The following TMEM132D variants were observed in gnomAD, a reference collection of about 807,000 sequenced individuals.
TMEM132D encodes transmembrane protein 132D, also known as mature OL transmembrane protein.
TMEM132D carries 21 observed loss-of-function variants against 62.3 expected under a neutral mutation model. That is an observed-to-expected ratio of 0.34 (90% CI 0.24 to 0.49). TMEM132D has a LOEUF of 0.49. TMEM132D is among the 20% of genes least tolerant of loss of function. The pLI, the probability that TMEM132D is intolerant of heterozygous loss-of-function variation, is 0.99. For synonymous variants in TMEM132D, 621 were observed against 575.6 expected, an observed-to-expected ratio of 1.08 and a Z score of -1.13; for missense variants, 1,346 against 1,402.8, an observed-to-expected ratio of 0.96 and a Z score of 0.65.
chr12:129,440,022 A>C (rs549539031), intron 3 of TMEM132D, among the ~76,000 whole-genome samples: 15 of 152,302 alleles, frequency 9.8e-5, no homozygotes, highest in African/African-American at 3.6e-4. Context: ...CTCATCCCAG[A>C]ATGAAAAAGA....
chr12:129,889,779 G>C (rs1361797282), intron 1 of TMEM132D, among the ~76,000 whole-genome samples: 2 of 152,156 alleles, frequency 1.3e-5, no homozygotes, highest in East Asian at 3.9e-4. Flanking sequence ...ACAAAAAAAG[G>C]AACAGTTCTT....
At chr12:129,146,598 C>T (rs1288444185) in intron 5 of TMEM132D, among the ~76,000 whole-genome samples, 1 of 152,132 alleles carries the variant, frequency 6.6e-6, no homozygotes, top group African/African-American at 2.4e-5. Flanking sequence ...TCACACATTA[C>T]CTGTCCAGAC....
intron 1 of TMEM132D, among the ~76,000 whole-genome samples, chr12:129,727,835 A>G (rs1363375041): frequency 6.7e-6 from 1 of 149,840 alleles, no homozygotes; most frequent in Non-Finnish European, 1.5e-5. Context: ...TGAATGATGA[A>G]AAAAAAATGC....
chr12:129,355,426 G>A (rs1870010740), intron 3 of TMEM132D, among the ~76,000 whole-genome samples: 1 of 150,544 alleles, frequency 6.6e-6, no homozygotes, highest in Admixed American at 6.6e-5. Flanking sequence ...GGGTAAGGTG[G>A]AGGGGTGGGT....
At chr12:129,380,086 T>C (rs1257042426) in intron 3 of TMEM132D, among the ~76,000 whole-genome samples, 3 of 152,220 alleles carry the variant, frequency 2.0e-5, no homozygotes, top group Admixed American at 1.3e-4. Flanking sequence ...ATGACATAAC[T>C]TTTGTCTTAT....
At chr12:129,137,260 CAA>C (rs1223343878) in intron 5 of TMEM132D, among the ~76,000 whole-genome samples, 13 of 152,226 alleles carry the variant, frequency 8.5e-5, no homozygotes, top group Admixed American at 2.6e-4. Context: ...TCACCACCAT[CAA>C]CATCACTATC....
intron 4 of TMEM132D, among the ~76,000 whole-genome samples, chr12:129,334,878 C>T (rs1869225428): frequency 6.6e-6 from 1 of 152,146 alleles, no homozygotes. Flanking sequence ...GCATGAGCCA[C>T]TGCACCCAGC....
intron 3 of TMEM132D, among the ~76,000 whole-genome samples, chr12:129,388,546 T>C (rs1331775411): frequency 1.0e-5 from 1 of 95,910 alleles, no homozygotes; most frequent in Non-Finnish European, 2.4e-5. Context: ...CTGATGATAA[T>C]ATTAACACTA....
At chr12:129,520,709 G>A (rs1875824939) in intron 3 of TMEM132D, among the ~76,000 whole-genome samples, 1 of 152,154 alleles carries the variant, frequency 6.6e-6, no homozygotes, top group Non-Finnish European at 1.5e-5. Flanking sequence ...GGCACGCCAC[G>A]ATTAAGCTGT....
intron 4 of TMEM132D, among the ~76,000 whole-genome samples, chr12:129,292,927 G>A (rs1013624812): frequency 4.6e-5 from 7 of 152,188 alleles, no homozygotes; most frequent in African/African-American, 1.4e-4. Context: ...CCACAAGTTA[G>A]TCCTCAAACT....
intron 4 of TMEM132D, among the ~76,000 whole-genome samples, chr12:129,323,700 G>A (rs966994159): frequency 2.6e-5 from 4 of 152,172 alleles, no homozygotes; most frequent in East Asian, 1.9e-4. Flanking sequence ...CAAGCACTTT[G>A]ATTTAGGTAT....
rs2135616484 is a variant in TMEM132D at position 129,081,930 on chromosome 12, C to T, written c.1752G>A (p.Val584=). 1 of 1,614,090 alleles carries T rather than the reference C, an allele frequency of 6.2e-7. No homozygotes were observed. Among genetic ancestry groups the T allele is most frequent in the African/African-American group, 1.3e-5 (1 of 75,066 alleles). ...GTCCCCCAGGGCCGGCCGCCTCAGCCACAAACTGCGTCAGGACCCGCACCA... is the reference window on the plus strand; with the variant it reads ...GTCCCCCAGGGCCGGCCGCCTCAGCTACAAACTGCGTCAGGACCCGCACCA... ...HAMVRVLTQF[V]AEAAGPGGHL... Residue 584 remains valine (V), a synonymous_variant, in exon 7 of 9, where the codon GTG becomes GTA. Transcript: ENST00000422113.
chr12:129,394,521 G>T, intron 3 of TMEM132D, among the ~76,000 whole-genome samples: 1 of 152,234 alleles, frequency 6.6e-6, no homozygotes, highest in East Asian at 1.9e-4. Flanking sequence ...CGATTGTGAG[G>T]TTCCTGTGAG....
chr12:129,423,935 G>A (rs1357268036), intron 3 of TMEM132D, among the ~76,000 whole-genome samples: 1 of 152,082 alleles, frequency 6.6e-6, no homozygotes, highest in Non-Finnish European at 1.5e-5. Context: ...AGCCTCATAG[G>A]TTAGGCTGCC....
At chr12:129,260,183 A>G (rs1168225328) in intron 4 of TMEM132D, among the ~76,000 whole-genome samples, 1 of 152,224 alleles carries the variant, frequency 6.6e-6, no homozygotes, top group East Asian at 1.9e-4. Flanking sequence ...ACTAGGAAGT[A>G]GTCCTTGAGG....
intron 5 of TMEM132D, among the ~76,000 whole-genome samples, chr12:129,127,588 G>C (rs190384349): frequency 6.6e-6 from 1 of 152,148 alleles, no homozygotes; most frequent in South Asian, 2.1e-4. Context: ...AAATACAGGG[G>C]CCTTTAAAAA....
At chr12:129,112,623 G>A (rs992776563) in intron 5 of TMEM132D, among the ~76,000 whole-genome samples, 4 of 152,218 alleles carry the variant, frequency 2.6e-5, no homozygotes, top group South Asian at 2.1e-4. Context: ...AGATCATGCC[G>A]TTGCACTCCA....
intron 1 of TMEM132D, among the ~76,000 whole-genome samples, chr12:129,793,744 GC>G (rs1394754533): frequency 6.6e-6 from 1 of 152,080 alleles, no homozygotes; most frequent in African/African-American, 2.4e-5. Flanking sequence ...TCCAGTTTCC[GC>G]TTATCTGAAA....
chr12:129,566,657 T>C (rs1877375944), intron 2 of TMEM132D, among the ~76,000 whole-genome samples: 1 of 152,244 alleles, frequency 6.6e-6, no homozygotes, highest in African/African-American at 2.4e-5. Flanking sequence ...CTGTCTCTGG[T>C]GGGGAAAATC....
Sources: gnomAD v4.1 joint callset for allele counts (sites outside exome capture counted in the v4.1 genomes callset) on GRCh38, gnomAD v4.1.1 for gene constraint, MANE v1.5 for transcripts, NCBI Gene and HGNC (gene_info 2026-07-23, HGNC 2026-07-21) for gene names.